Variants in KCNH8 observed in about 807,000 individuals in gnomAD.
The protein encoded by KCNH8 is potassium voltage-gated channel subfamily H member 8.
A neutral mutation model predicts 103.6 loss-of-function variants in KCNH8; 70 were observed. That is an observed-to-expected ratio of 0.68 (90% CI 0.56 to 0.82). KCNH8 has a LOEUF of 0.82. KCNH8 is among the 40% of genes least tolerant of loss of function. The probability of loss-of-function intolerance (pLI) is 0.00; values close to 1 mark genes in which losing one functional copy is unlikely to be tolerated. For missense variants in KCNH8, 1,217 were observed against 1,329.9 expected, an observed-to-expected ratio of 0.92 and a Z score of 1.32; for synonymous variants, 498 against 489.4, an observed-to-expected ratio of 1.02 and a Z score of -0.23.
intron 5 of KCNH8, among the ~76,000 whole-genome samples, chr3:19,372,564 C>T (rs1559496970): frequency 6.6e-6 from 1 of 152,178 alleles, no homozygotes; most frequent in Non-Finnish European, 1.5e-5. Flanking sequence ...CAAACAAGGA[C>T]AATTTGACTT....
Position 19,322,338 on chromosome 3 carries a change from C to G in KCNH8, c.443-20249C>G, listed in dbSNP as rs116111688. Among the ~76,000 whole-genome samples the G allele has an allele frequency of 4.8e-3, 726 of 151,970 alleles. 14 individuals carry two copies. Among genetic ancestry groups the G allele is most frequent in the African/African-American group, 0.016 (677 of 41,432 alleles). On this transcript the variant is annotated intron_variant, in intron 3 of 15. Coordinates refer to ENST00000328405, the MANE Select transcript of KCNH8 (RefSeq NM_144633.3). ...TTTGGTGTATTTCGAGGATTTGTTT[C>G]GAAATTTAAAGCTCCTTTTAGGAGT...
rs751989561 is a variant in KCNH8, at chr3:19,513,103, G to T, written c.2213G>T (p.Arg738Leu). 6.2e-7 allele frequency: 1 copy of T among 1,613,818 alleles called. No individual in the cohort carries two copies. Among genetic ancestry groups the T allele is most frequent in the Non-Finnish European group, 8.5e-7 (1 of 1,179,922 alleles). ...ATCTGCACAAGGGGATCTTCTTCGC[G>T]CAACAAGAAGGTTGGAAGCAATAAA... ...SPICTRGSSS[R>L]NKKVGSNKAY... The change falls in exon 13 of 16, where the codon CGC becomes CTC. Residue 738 changes from arginine to leucine, a missense_variant. Physicochemically the swap from Arg to Leu is moderately radical, Grantham distance 102 (BLOSUM62 -2). Coordinates refer to ENST00000328405, the MANE Select transcript of KCNH8 (RefSeq NM_144633.3).
At chr3:19,180,510 G>A (rs1284567376) in intron 1 of KCNH8, among the ~76,000 whole-genome samples, 3 of 152,084 alleles carry the variant, frequency 2.0e-5, no homozygotes, top group Non-Finnish European at 2.9e-5. Flanking sequence ...GTTATAACAA[G>A]AATAAGCCAT....
intron 2 of KCNH8, among the ~76,000 whole-genome samples, chr3:19,258,080 A>AT (rs771356853): frequency 2.2e-4 from 33 of 151,850 alleles, no homozygotes; most frequent in Non-Finnish European, 3.5e-4. Context: ...TACTCTAATG[A>AT]CCTCCTTTTA....
intron 7 of KCNH8, among the ~76,000 whole-genome samples, chr3:19,416,848 C>T (rs2066871118): frequency 1.3e-5 from 2 of 152,100 alleles, no homozygotes; most frequent in African/African-American, 2.4e-5. Context: ...CTTTTTAAAG[C>T]TTAAGTTTCT....
At chr3:19,308,357 C>G (rs565481343) in intron 3 of KCNH8, among the ~76,000 whole-genome samples, 3 of 151,236 alleles carry the variant, frequency 2.0e-5, no homozygotes, top group African/African-American at 7.3e-5. Context: ...CTAATCTGTG[C>G]ATAGTACCTT....
At chr3:19,353,423 A>T (rs1377406958) in intron 5 of KCNH8, among the ~76,000 whole-genome samples, 4 of 152,156 alleles carry the variant, frequency 2.6e-5, no homozygotes, top group Non-Finnish European at 4.4e-5. Context: ...TGGCAGAGAC[A>T]AAACAAAAAA....
intron 11 of KCNH8, among the ~76,000 whole-genome samples, chr3:19,484,358 A>T (rs2068158499): frequency 6.6e-6 from 1 of 152,216 alleles, no homozygotes; most frequent in Non-Finnish European, 1.5e-5. Context: ...TACCTCAGTA[A>T]CCTGATGTAT....
chr3:19,341,082 T>C (rs1228395971), intron 3 of KCNH8, among the ~76,000 whole-genome samples: 3 of 152,122 alleles, frequency 2.0e-5, no homozygotes, highest in African/African-American at 7.2e-5. Context: ...CTTTTCTTGA[T>C]TCTTCTTTTG....
intron 1 of KCNH8, among the ~76,000 whole-genome samples, chr3:19,178,837 TAAG>T (rs1478811516): frequency 1.3e-5 from 2 of 152,154 alleles, no homozygotes; most frequent in Non-Finnish European, 2.9e-5. Context: ...GTCTTGCTTT[TAAG>T]AAGAAGTTGT....
chr3:19,296,821 C>T (rs1382603585), intron 3 of KCNH8, among the ~76,000 whole-genome samples: 1 of 151,882 alleles, frequency 6.6e-6, no homozygotes, highest in Admixed American at 6.6e-5. Context: ...CCAAACACCA[C>T]CTGTTCACCC....
At chr3:19,376,285 A>C (rs1246280281) in intron 5 of KCNH8, among the ~76,000 whole-genome samples, 1 of 152,208 alleles carries the variant, frequency 6.6e-6, no homozygotes, top group Non-Finnish European at 1.5e-5. Flanking sequence ...AGCCAGGTGC[A>C]GGATATAATC....
intron 11 of KCNH8, among the ~76,000 whole-genome samples, chr3:19,505,959 C>A (rs1250772422): frequency 1.3e-5 from 2 of 151,676 alleles, no homozygotes; most frequent in Admixed American, 6.6e-5. Flanking sequence ...TTATTCTGCT[C>A]TTAATAATTG....
chr3:19,528,189 A>ACTGT (rs2069098669), intron 15 of KCNH8, among the ~76,000 whole-genome samples: 1 of 152,100 alleles, frequency 6.6e-6, no homozygotes, highest in South Asian at 2.1e-4. Flanking sequence ...TCCTTTATGC[A>ACTGT]CTGTCTTTAT....
chr3:19,313,265 T>A (rs1437550402), intron 3 of KCNH8, among the ~76,000 whole-genome samples: 8 of 152,000 alleles, frequency 5.3e-5, no homozygotes, highest in East Asian at 3.9e-4. Flanking sequence ...ATCATTTTAT[T>A]TGGGACAAGT....
At chr3:19,336,290 A>C (rs956244568) in intron 3 of KCNH8, among the ~76,000 whole-genome samples, 1 of 151,742 alleles carries the variant, frequency 6.6e-6, no homozygotes, top group African/African-American at 2.4e-5. Flanking sequence ...AAAGTCTATA[A>C]ATTTACTAAT....
At chr3:19,329,742 CAGG>C (rs1199593179) in intron 3 of KCNH8, among the ~76,000 whole-genome samples, 12 of 151,982 alleles carry the variant, frequency 7.9e-5, no homozygotes, top group African/African-American at 2.9e-4. Flanking sequence ...ATTTCAATTC[CAGG>C]AGAATAAAAG....
chr3:19,356,887 C>T (rs746727814), intron 5 of KCNH8, among the ~76,000 whole-genome samples: 60 of 151,554 alleles, frequency 4.0e-4, no homozygotes, highest in Non-Finnish European at 6.3e-4. Context: ...AAGACCACCT[C>T]CTTTTCTTTC....
intron 11 of KCNH8, among the ~76,000 whole-genome samples, chr3:19,484,103 C>A (rs2068150073): frequency 6.6e-6 from 1 of 152,090 alleles, no homozygotes; most frequent in South Asian, 2.1e-4. Context: ...TGGGCACCCC[C>A]TTTCTTTTGT....
Sources: allele counts gnomAD v4.1 joint callset (sites outside exome capture counted in the v4.1 genomes callset), GRCh38; gene constraint gnomAD v4.1.1; transcripts MANE v1.5; gene names NCBI Gene and HGNC (gene_info 2026-07-23, HGNC 2026-07-21).